The following ABCC9 variants were observed in gnomAD, a reference collection of about 807,000 sequenced individuals.
ABCC9 encodes ATP-binding cassette sub-family C member 9.
ABCC9 carries 95 observed loss-of-function variants against 188.3 expected under a neutral mutation model. That is an observed-to-expected ratio of 0.50 (90% confidence interval 0.43 to 0.60). The LOEUF (loss-of-function observed/expected upper bound fraction) is 0.60. Among genes scored for constraint, ABCC9 ranks in the 20% least tolerant of loss-of-function variants. ABCC9 has a pLI of 0.00. For missense variants in ABCC9, 1,102 were observed against 1,876.3 expected (o/e 0.59, Z 7.62); for synonymous variants, 659 against 652.7 (o/e 1.01, Z -0.15).
intron 4 of ABCC9, among the ~76,000 whole-genome samples, chr12:21,926,997 T>C (rs1180951769): frequency 6.6e-6 from 1 of 152,052 alleles, no homozygotes; most frequent in Non-Finnish European, 1.5e-5. Context: ...TAGTTCAAGA[T>C]TGGGGGATAG....
chr12:21,892,867 T>C (rs1284877685), intron 14 of ABCC9, among the ~76,000 whole-genome samples: 2 of 152,178 alleles, frequency 1.3e-5, no homozygotes, highest in Non-Finnish European at 2.9e-5. Context: ...AATTATCTCA[T>C]TTTAAAAGTC....
chr12:21,837,934 T>C, intron 30 of ABCC9, 144 bp downstream of exon 30: 2 of 735,198 alleles, frequency 2.7e-6, no homozygotes, highest in African/African-American at 1.7e-5. Context: ...TTACACCAAA[T>C]TTTTCTTATT....
At chr12:21,818,508 C>CTATA (rs1236398856) in intron 31 of ABCC9, among the ~76,000 whole-genome samples, 1 of 131,242 alleles carries the variant, frequency 7.6e-6, no homozygotes, top group Non-Finnish European at 1.6e-5. Flanking sequence ...CTATATATAA[C>CTATA]TATATAGATA....
At chr12:21,876,183 T>G (rs1946335786) in intron 16 of ABCC9, among the ~76,000 whole-genome samples, 1 of 152,168 alleles carries the variant, frequency 6.6e-6, no homozygotes, top group Non-Finnish European at 1.5e-5. Flanking sequence ...TTAGAAAGAA[T>G]GAAAGTGAAA....
rs1949667539 is a variant in ABCC9, at chr12:21,941,166, A to G, written c.-137+34T>C. 6.6e-6 allele frequency: 1 copy of G among 152,272 alleles called. No homozygotes were observed. Among genetic ancestry groups the G allele is most frequent in the African/African-American group, 2.4e-5 (1 of 41,476 alleles). 9.4% of individuals were successfully genotyped at this position (152,272 alleles called of 1,614,324 possible). On this transcript the variant is annotated intron_variant, in intron 1 of 39. Coordinates refer to ENST00000261200, the MANE Select transcript of ABCC9 (RefSeq NM_020297.4). The surrounding 1 kb of genome is among the most constrained non-coding windows in gnomAD (Gnocchi z 5.4). ...TACAGTTATTCCTAAAAATGTTTAA[A>G]TGGCATTCATGTAAAAGACACGGAT...
At chr12:21,845,342 G>C (rs1565730852) in intron 26 of ABCC9, among the ~76,000 whole-genome samples, 1 of 151,092 alleles carries the variant, frequency 6.6e-6, no homozygotes, top group Non-Finnish European at 1.5e-5. Flanking sequence ...AAAAATATAT[G>C]TATAAACTCT....
intron 5 of ABCC9, among the ~76,000 whole-genome samples, chr12:21,918,398 C>T (rs954983887): frequency 2.0e-5 from 3 of 152,008 alleles, no homozygotes. Context: ...ATTGTACCTT[C>T]GTATTAACTG....
At chr12:21,887,314 C>T (rs958346908) in intron 15 of ABCC9, among the ~76,000 whole-genome samples, 5 of 152,014 alleles carry the variant, frequency 3.3e-5, no homozygotes, top group East Asian at 1.9e-4. Flanking sequence ...AGCTCTACCA[C>T]TTAGTAATCT....
chr12:21,902,973 C>T (rs1346348121), intron 12 of ABCC9, among the ~76,000 whole-genome samples: 1 of 152,136 alleles, frequency 6.6e-6, no homozygotes, highest in East Asian at 1.9e-4. Flanking sequence ...CAAAGCCTGG[C>T]AGAGACACAC....
At chr12:21,895,675 CTAATTT>C (rs1947367921) in intron 12 of ABCC9, among the ~76,000 whole-genome samples, 2 of 152,176 alleles carry the variant, frequency 1.3e-5, no homozygotes, top group Admixed American at 1.3e-4. Context: ...GTCCACTAAA[CTAATTT>C]AAATATGTGA....
At chr12:21,818,281 G>T in intron 31 of ABCC9, 30 bp from the exon 32 acceptor site, 1 of 1,582,650 alleles carries the variant, frequency 6.3e-7, no homozygotes, top group Non-Finnish European at 8.7e-7. Context: ...AATGTTAAAA[G>T]GTTACTCCCA....
intron 20 of ABCC9, 34 bp downstream of exon 20, chr12:21,862,919 A>G: frequency 1.4e-6 from 2 of 1,392,444 alleles, no homozygotes; most frequent in South Asian, 1.2e-5. Flanking sequence ...AAGAGTTGCC[A>G]TTTTGGTTCT....
intron 24 of ABCC9, among the ~76,000 whole-genome samples, chr12:21,849,107 T>C (rs1323826759): frequency 6.6e-6 from 1 of 152,130 alleles, no homozygotes. Context: ...AAATGTATTC[T>C]GAATTCTAAA....
intron 31 of ABCC9, among the ~76,000 whole-genome samples, chr12:21,819,448 C>T (rs1378779744): frequency 6.6e-6 from 1 of 152,118 alleles, no homozygotes; most frequent in Non-Finnish European, 1.5e-5. Context: ...CTTTTAAAAA[C>T]AGCTCGAAAG....
At chr12:21,847,027 C>G (rs773300692) in intron 25 of ABCC9, among the ~76,000 whole-genome samples, 1 of 152,078 alleles carries the variant, frequency 6.6e-6, no homozygotes, top group Non-Finnish European at 1.5e-5. Context: ...TTTTCTTCCC[C>G]TACTGTTGGC....
chr12:21,909,155 A>G (rs1380916617), intron 10 of ABCC9, among the ~76,000 whole-genome samples: 1 of 151,968 alleles, frequency 6.6e-6, no homozygotes, highest in African/African-American at 2.4e-5. Context: ...TGGTGCACTT[A>G]AAATTACACC....
intron 22 of ABCC9, among the ~76,000 whole-genome samples, chr12:21,854,457 G>A (rs1217348367): frequency 6.6e-6 from 1 of 152,170 alleles, no homozygotes; most frequent in Non-Finnish European, 1.5e-5. Flanking sequence ...TGAATAAATG[G>A]ATGATATAAT....
chr12:21,915,991 A>G, intron 6 of ABCC9, 81 bp from the exon 7 acceptor site: 1 of 1,446,638 alleles, frequency 6.9e-7, no homozygotes, highest in Non-Finnish European at 9.4e-7. Context: ...AACCTTTTCT[A>G]CATTTTCATT....
rs147350966 is a variant in ABCC9 at position 21,831,767 on chromosome 12, G to A, written c.3567-2707C>T. Among the ~76,000 whole-genome samples, 379 of 152,238 alleles carry A rather than the reference G, an allele frequency of 2.5e-3. 1 individual carries two copies. The highest frequency in any genetic ancestry group is 0.017 in the Middle Eastern group (5 of 294). ...AGAAAAGGCACAGAAATGAGAAAGC[G>A]CCACATGTTCTGGGGCTTGAGACAG... is the stretch of plus-strand genomic sequence containing the variant. On this transcript the variant is annotated intron_variant, in intron 30 of 39. Transcript: ENST00000261200.
Sources: gnomAD v4.1 joint callset for allele counts (sites outside exome capture counted in the v4.1 genomes callset) on GRCh38, gnomAD v4.1.1 for gene constraint, Gnocchi (gnomAD v3.1) non-coding constraint, MANE v1.5 for transcripts, NCBI Gene and HGNC (gene_info 2026-07-23, HGNC 2026-07-21) for gene names.